Variants in RAB27A observed in about 807,000 individuals in gnomAD.
RAB27A encodes ras-related protein Rab-27A.
RAB27A carries 17 observed loss-of-function variants against 20.8 expected under a neutral mutation model. The ratio of observed to expected loss-of-function variants is 0.82; its 90% CI spans 0.56 to 1.23. RAB27A has a LOEUF of 1.23. Ranked by LOEUF, RAB27A falls within the 50% of genes most tolerant of loss-of-function variation. RAB27A has a pLI of 0.00. For synonymous variants in RAB27A, 85 were observed against 92.8 expected (o/e 0.92, Z 0.48); for missense variants, 277 against 266.7 (o/e 1.04, Z -0.27).
At chr15:55,224,213 A>G (rs769186658) in intron 5 of RAB27A, among the ~76,000 whole-genome samples, 23 of 152,152 alleles carry the variant, frequency 1.5e-4, no homozygotes, top group Non-Finnish European at 2.5e-4. Context: ...TTAAGCACAT[A>G]CCCCAGTTTA....
rs1894980038 is a variant in RAB27A, at chr15:55,210,624, T to C, written c.468-4919A>G. ...CTATTTTTAAAACAGATTATTTGTT[T>C]TTGCTATTGAGTTATTTGAGCCCCT... On this transcript the variant is annotated intron_variant, in intron 6 of 6. Transcript: ENST00000336787. Among the ~76,000 whole-genome samples, 3 of 152,152 alleles carry C rather than the reference T, an allele frequency of 2.0e-5. No homozygotes were observed. In the South Asian group the frequency reaches 6.2e-4, roughly 32 times the overall value.
At chr15:55,252,322 G>A (rs1595717730) in intron 2 of RAB27A, among the ~76,000 whole-genome samples, 1 of 152,202 alleles carries the variant, frequency 6.6e-6, no homozygotes. Flanking sequence ...TCATCCAAGT[G>A]GCTGGATACA....
chr15:55,311,255 C>T (rs376671403), intron 2 of RAB27A, among the ~76,000 whole-genome samples: 1 of 152,172 alleles, frequency 6.6e-6, no homozygotes, highest in African/African-American at 2.4e-5. Flanking sequence ...CTGTCCTAAC[C>T]CTTGTAAAAC....
chr15:55,270,681 T>A (rs1311861548), intron 1 of RAB27A: 3 of 152,208 alleles, frequency 2.0e-5, no homozygotes, highest in African/African-American at 4.8e-5. Flanking sequence ...TGCTTACAAA[T>A]ACAATGCCTG....
At chr15:55,300,124 C>T (rs1216433479) in intron 2 of RAB27A, among the ~76,000 whole-genome samples, 1 of 151,982 alleles carries the variant, frequency 6.6e-6, no homozygotes, top group Non-Finnish European at 1.5e-5. Flanking sequence ...CTGGCCAATC[C>T]TAATTTCTTG....
intron 5 of RAB27A, 146 bp downstream of exon 5, chr15:55,228,463 C>A: frequency 1.5e-6 from 1 of 676,704 alleles, no homozygotes; most frequent in South Asian, 1.7e-5. Context: ...TTATCTTTGT[C>A]CCTAAACTAA....
chr15:55,223,588 T>C (rs1895675949), intron 6 of RAB27A, among the ~76,000 whole-genome samples: 1 of 152,082 alleles, frequency 6.6e-6, no homozygotes, highest in Non-Finnish European at 1.5e-5. Context: ...GAGTCTCCTA[T>C]TTGCATCTTG....
intron 6 of RAB27A, among the ~76,000 whole-genome samples, chr15:55,214,211 C>A (rs185936889): frequency 1.3e-5 from 2 of 152,078 alleles, no homozygotes; most frequent in African/African-American, 2.4e-5. Context: ...CCAAGGCGGG[C>A]GGATCACGAA....
intron 2 of RAB27A, among the ~76,000 whole-genome samples, chr15:55,308,441 G>C (rs2055007170): frequency 6.6e-6 from 1 of 152,204 alleles, no homozygotes; most frequent in Admixed American, 6.5e-5. Flanking sequence ...AGTTCTGCCA[G>C]CTGAGCACTA....
At position 55,208,063 on chromosome 15, in the gene RAB27A, C is replaced by T. The variant is rs537129795; in HGVS notation, c.468-2358G>A. Among the ~76,000 whole-genome samples the T allele has an allele frequency of 2.8e-3, 420 of 152,188 alleles. 2 individuals are homozygous for T. Among genetic ancestry groups the T allele is most frequent in the Non-Finnish European group, 2.0e-3 (136 of 68,008 alleles). On this transcript the variant is annotated intron_variant, in intron 6 of 6. Transcript: ENST00000336787. ...GCTCTCACATATGTGCACGTGGCAT[C>T]GTCTAATGGAATAGATATTGCAGAA...
chr15:55,272,512 A>G (rs1173957847), intron 1 of RAB27A, among the ~76,000 whole-genome samples: 1 of 152,260 alleles, frequency 6.6e-6, no homozygotes, highest in Non-Finnish European at 1.5e-5. Flanking sequence ...CTCTGGAACT[A>G]TAATTTGAAT....
At chr15:55,303,485 C>T (rs1350980227) in intron 2 of RAB27A, among the ~76,000 whole-genome samples, 4 of 45,748 alleles carry the variant, frequency 8.7e-5, no homozygotes, top group Non-Finnish European at 1.0e-4. Flanking sequence ...AGGTGAGGGG[C>T]GCCTCTGCCC....
At chr15:55,229,746 A>AT (rs970206402) in intron 4 of RAB27A, among the ~76,000 whole-genome samples, 3 of 152,112 alleles carry the variant, frequency 2.0e-5, no homozygotes, top group Admixed American at 2.0e-4. Flanking sequence ...AGTGTCTGGA[A>AT]TTTGCTTCTA....
At chr15:55,297,141 G>A (rs1207876341) in intron 2 of RAB27A, among the ~76,000 whole-genome samples, 1 of 152,180 alleles carries the variant, frequency 6.6e-6, no homozygotes, top group African/African-American at 2.4e-5. Context: ...ATTGGTACCA[G>A]AGGCTCAAAG....
At chr15:55,278,552 A>G (rs1052272529) in intron 1 of RAB27A, among the ~76,000 whole-genome samples, 4 of 147,632 alleles carry the variant, frequency 2.7e-5, no homozygotes, top group African/African-American at 9.9e-5. Context: ...GCACGATCTC[A>G]GCTCACTGCA....
intron 2 of RAB27A, among the ~76,000 whole-genome samples, chr15:55,312,437 T>C (rs73415523): frequency 2.0e-5 from 3 of 152,210 alleles, no homozygotes; most frequent in Admixed American, 6.5e-5. Flanking sequence ...CTAGGCCATA[T>C]AGTAGCTCTA....
intron 6 of RAB27A, among the ~76,000 whole-genome samples, chr15:55,212,314 A>G (rs1210433615): frequency 2.0e-5 from 3 of 152,156 alleles, no homozygotes; most frequent in Non-Finnish European, 2.9e-5. Context: ...CAGTTTAACC[A>G]TAGGTTCTAC....
chr15:55,230,330 G>T (rs761093257), intron 4 of RAB27A, 71 bp downstream of exon 4: 9 of 1,411,414 alleles, frequency 6.4e-6, no homozygotes, highest in Non-Finnish European at 9.0e-6. Flanking sequence ...TCCTGCTCAG[G>T]TCACTGTTTG....
chr15:55,313,970 C>CTCAA (rs2055031887), intron 2 of RAB27A: 1 of 142,764 alleles, frequency 7.0e-6, no homozygotes, highest in African/African-American at 2.8e-5. Flanking sequence ...GAGACTCCAT[C>CTCAA]TCAATAAATA....
Sources: gnomAD v4.1 joint callset for allele counts (sites outside exome capture counted in the v4.1 genomes callset) on GRCh38, gnomAD v4.1.1 for gene constraint, MANE v1.5 for transcripts, NCBI Gene and HGNC (gene_info 2026-07-23, HGNC 2026-07-21) for gene names.